The following THADA variants were observed in gnomAD, a reference collection of about 807,000 sequenced individuals.
THADA encodes THADA armadillo repeat containing.
Under a neutral mutation model 219.8 loss-of-function variants are expected in THADA, and 213 were observed. The observed-to-expected ratio is 0.97, with a 90% CI of 0.87 to 1.09. THADA has a LOEUF of 1.09. Among genes scored for constraint, THADA ranks in the 50% least tolerant of loss-of-function variants. THADA has a pLI of 0.00. For missense variants in THADA, 2,956 were observed against 2,311.3 expected (o/e 1.28, Z -5.72); for synonymous variants, 1,018 against 828.9 (o/e 1.23, Z -3.92).
At chr2:43,515,033 TATATAA>T (rs1691209668) in intron 22 of THADA, among the ~76,000 whole-genome samples, 1 of 60,618 alleles carries the variant, frequency 1.6e-5, no homozygotes, top group South Asian at 5.7e-4. Context: ...ATATATAATA[TATATAA>T]ATATATATAT....
At chr2:43,303,325 C>T (rs1378634493) in intron 31 of THADA, among the ~76,000 whole-genome samples, 1 of 152,154 alleles carries the variant, frequency 6.6e-6, no homozygotes, top group Non-Finnish European at 1.5e-5. Context: ...TGAAAGTTAA[C>T]TTTAGATATC....
intron 28 of THADA, among the ~76,000 whole-genome samples, chr2:43,407,745 C>CTAGG (rs1219626959): frequency 7.7e-6 from 1 of 129,902 alleles, no homozygotes; most frequent in Non-Finnish European, 1.7e-5. Flanking sequence ...CTGCTAGATG[C>CTAGG]CAGGTACTTT....
intron 28 of THADA, among the ~76,000 whole-genome samples, chr2:43,420,988 C>T (rs1677643193): frequency 6.6e-6 from 1 of 152,164 alleles, no homozygotes; most frequent in African/African-American, 2.4e-5. Flanking sequence ...CAATAGGAAA[C>T]AACCTTCCAA....
chr2:43,325,679 G>GT, intron 30 of THADA, among the ~76,000 whole-genome samples: 1 of 151,992 alleles, frequency 6.6e-6, no homozygotes, highest in East Asian at 1.9e-4. Flanking sequence ...TCAAAGTAGT[G>GT]TAGTAAGGAC....
intron 26 of THADA, among the ~76,000 whole-genome samples, chr2:43,431,196 T>G (rs189253173): frequency 2.0e-5 from 3 of 152,304 alleles, no homozygotes; most frequent in African/African-American, 4.8e-5. Flanking sequence ...TTCCTATTAA[T>G]TGAAATCCAG....
chr2:43,271,238 G>A (rs1181218284), intron 36 of THADA, among the ~76,000 whole-genome samples: 1 of 152,222 alleles, frequency 6.6e-6, no homozygotes, highest in Non-Finnish European at 1.5e-5. Context: ...GGAGTGACAA[G>A]GGAGACACAG....
intron 36 of THADA, among the ~76,000 whole-genome samples, chr2:43,257,983 G>A (rs1670515873): frequency 6.6e-6 from 1 of 152,032 alleles, no homozygotes; most frequent in Non-Finnish European, 1.5e-5. Flanking sequence ...CAGGCTCTGG[G>A]GCTGAGGTGA....
chr2:43,374,171 T>C (rs1163156871), intron 29 of THADA, among the ~76,000 whole-genome samples: 1 of 152,220 alleles, frequency 6.6e-6, no homozygotes. Flanking sequence ...GACATCTTTA[T>C]AATATTCAGC....
chr2:43,404,657 T>A (rs1024294247), intron 28 of THADA, among the ~76,000 whole-genome samples: 6 of 152,180 alleles, frequency 3.9e-5, no homozygotes, highest in Admixed American at 6.5e-5. Flanking sequence ...TCATCATGTC[T>A]GCTAGACTGA....
chr2:43,572,775 CT>C, intron 12 of THADA, 38 bp downstream of exon 12: 3 of 1,588,922 alleles, frequency 1.9e-6, no homozygotes, highest in Non-Finnish European at 2.6e-6. Flanking sequence ...TGAAAGGGAT[CT>C]ACTGCATGTA....
At chr2:43,368,972 C>A (rs1670492160) in intron 29 of THADA, among the ~76,000 whole-genome samples, 1 of 152,164 alleles carries the variant, frequency 6.6e-6, no homozygotes, top group Non-Finnish European at 1.5e-5. Flanking sequence ...CACCACCCTG[C>A]CCCTATCTTT....
intron 35 of THADA, 115 bp downstream of exon 35, chr2:43,286,793 G>A: frequency 8.5e-7 from 1 of 1,175,008 alleles, no homozygotes. Context: ...ATAACTGAAA[G>A]ACATAAAGGC....
At chr2:43,459,864 C>CA (rs1683420775) in intron 26 of THADA, among the ~76,000 whole-genome samples, 1 of 151,856 alleles carries the variant, frequency 6.6e-6, no homozygotes, top group African/African-American at 2.4e-5. Flanking sequence ...AAAACAAAAA[C>CA]AAAAAAACAA....
At chr2:43,329,236 T>C (rs980153436) in intron 30 of THADA, among the ~76,000 whole-genome samples, 2 of 152,220 alleles carry the variant, frequency 1.3e-5, no homozygotes, top group Admixed American at 6.5e-5. Context: ...AAAACTTTTA[T>C]TGTACAGTTT....
At chr2:43,496,304 C>T (rs1159686912) in intron 25 of THADA, among the ~76,000 whole-genome samples, 1 of 152,112 alleles carries the variant, frequency 6.6e-6, no homozygotes, top group Non-Finnish European at 1.5e-5. Flanking sequence ...CATAAGAAAA[C>T]ACACGAAAAA....
At chr2:43,544,688 G>A (rs1159891767) in intron 20 of THADA, among the ~76,000 whole-genome samples, 2 of 151,104 alleles carry the variant, frequency 1.3e-5, no homozygotes, top group Admixed American at 6.6e-5. Context: ...TCTGTTATTG[G>A]TGTATAAGAA....
At chr2:43,489,182 T>A (rs540843867) in intron 25 of THADA, among the ~76,000 whole-genome samples, 61 of 151,744 alleles carry the variant, frequency 4.0e-4, no homozygotes, top group African/African-American at 1.0e-3. Flanking sequence ...TTAAAAAAAA[T>A]TTTTTTTAAC....
intron 29 of THADA, among the ~76,000 whole-genome samples, chr2:43,390,092 G>C (rs1288866207): frequency 1.3e-5 from 2 of 152,206 alleles, no homozygotes; most frequent in Non-Finnish European, 2.9e-5. Context: ...CCCAGGTCCA[G>C]AGGGTTAAGG....
chr2:43,572,759 G>A (rs1699435312), intron 12 of THADA, 55 bp downstream of exon 12: 1 of 1,524,724 alleles, frequency 6.6e-7, no homozygotes, highest in African/African-American at 1.4e-5. Context: ...ATATTGAACT[G>A]CTACATGAAA....
Sources: gnomAD v4.1 joint callset for allele counts (sites outside exome capture counted in the v4.1 genomes callset) on GRCh38, gnomAD v4.1.1 for gene constraint, MANE v1.5 for transcripts, NCBI Gene and HGNC (gene_info 2026-07-23, HGNC 2026-07-21) for gene names.